FRMPD4: variants seen among roughly 807,000 people sequenced by gnomAD.
FRMPD4 encodes the protein FERM and PDZ domain-containing protein 4.
In FRMPD4, 22 loss-of-function variants were observed where a neutral mutation model predicts 94.1. The observed-to-expected ratio is 0.23, with a 90% CI of 0.17 to 0.33. The LOEUF (loss-of-function observed/expected upper bound fraction) is 0.33. Among genes scored for constraint, FRMPD4 ranks in the 10% least tolerant of loss-of-function variants. The probability of loss-of-function intolerance (pLI) is 1.00; values close to 1 mark genes in which losing one functional copy is unlikely to be tolerated. For synonymous variants in FRMPD4, 631 were observed against 548.6 expected (o/e 1.15, Z -2.10); for missense variants, 1,111 against 1,339.9 (o/e 0.83, Z 2.67).
chrX:12,036,942 T>C (rs1429700387), intron 3 of FRMPD4, among the ~76,000 whole-genome samples: 1 of 112,406 alleles, frequency 8.9e-6, no homozygotes, highest in South Asian at 3.7e-4. Context: ...TATTTCACCA[T>C]TTACTATTCC....
chrX:12,312,327 A>G (rs2055047185), intron 1 of FRMPD4, among the ~76,000 whole-genome samples: 1 of 92,452 alleles, frequency 1.1e-5, no homozygotes, highest in Admixed American at 1.3e-4. Context: ...ATTTTGGCTC[A>G]CTGCAAGCTC....
At chrX:12,523,633 C>T (rs886993561) in intron 2 of FRMPD4, among the ~76,000 whole-genome samples, 1 of 111,467 alleles carries the variant, frequency 9.0e-6, no homozygotes, top group Non-Finnish European at 1.9e-5. Flanking sequence ...TTGCTTTATT[C>T]GTCTGTAAAA....
chrX:12,578,610 AC>A (rs769036914), intron 2 of FRMPD4, among the ~76,000 whole-genome samples: 12 of 111,516 alleles, frequency 1.1e-4, no homozygotes, highest in Admixed American at 8.6e-4. Context: ...CTGTTTTCGA[AC>A]CCTTTTTTAT....
chrX:12,503,756 A>G (rs1309568863), intron 2 of FRMPD4, among the ~76,000 whole-genome samples: 1 of 112,037 alleles, frequency 8.9e-6, no homozygotes, highest in Non-Finnish European at 1.9e-5. Flanking sequence ...TGTGAGCCCC[A>G]AAGTATTTAC....
intron 1 of FRMPD4, among the ~76,000 whole-genome samples, chrX:12,474,377 A>G (rs2057563209): frequency 9.0e-6 from 1 of 111,540 alleles, no homozygotes; most frequent in African/African-American, 3.3e-5. Flanking sequence ...TAAAATCAAG[A>G]CCCTAATATC....
intron 1 of FRMPD4, among the ~76,000 whole-genome samples, chrX:12,445,215 T>C (rs1185497290): frequency 8.9e-6 from 1 of 112,083 alleles, no homozygotes; most frequent in Non-Finnish European, 1.9e-5. Context: ...ACCTGGGAAT[T>C]TGATAGAAAT....
At chrX:11,917,475 A>C (rs1024571777) in intron 3 of FRMPD4, among the ~76,000 whole-genome samples, 7 of 112,060 alleles carry the variant, frequency 6.2e-5, no homozygotes, top group African/African-American at 2.3e-4. Flanking sequence ...CAATATGAAA[A>C]TCATGGAATC....
At chrX:12,302,563 A>G (rs1317006816) in intron 1 of FRMPD4, among the ~76,000 whole-genome samples, 1 of 111,243 alleles carries the variant, frequency 9.0e-6, no homozygotes, top group Non-Finnish European at 1.9e-5. Context: ...GGATGGGGTC[A>G]TGATGAACAG....
At chrX:12,011,906 A>ATTT (rs370370680) in intron 3 of FRMPD4, among the ~76,000 whole-genome samples, 4 of 99,105 alleles carry the variant, frequency 4.0e-5, no homozygotes, top group Admixed American at 1.1e-4. Flanking sequence ...TACGATCTGA[A>ATTT]TTTTTTTTTT....
rs1601668915 is a variant in FRMPD4, at chrX:12,182,111, A to C, written c.41+43099A>C. ...CTCTACTGAAACCATAAGGACCAAGAGGTCAAGAGATGAGCAGGTAGTTCC... is the reference window on the plus strand; with the variant it reads ...CTCTACTGAAACCATAAGGACCAAGCGGTCAAGAGATGAGCAGGTAGTTCC... On this transcript the variant is annotated intron_variant, in intron 1 of 16. Transcript: ENST00000675598. 4.5e-5 allele frequency among the ~76,000 whole-genome samples: 5 copies of C among 111,730 alleles called. No individual in the cohort carries two copies. In the Admixed American group the frequency reaches 4.7e-4, roughly 11 times the overall value.
intron 3 of FRMPD4, among the ~76,000 whole-genome samples, chrX:12,058,871 C>G (rs1038628544): frequency 5.4e-5 from 6 of 110,440 alleles, no homozygotes; most frequent in Non-Finnish European, 1.1e-4. Context: ...GCCAGGGATG[C>G]TGCTAAATAT....
chrX:12,317,131 A>G (rs758897276), intron 1 of FRMPD4, among the ~76,000 whole-genome samples: 5 of 111,828 alleles, frequency 4.5e-5, no homozygotes, highest in Non-Finnish European at 7.5e-5. Context: ...TGTCAGCATT[A>G]AGAAACAGAT....
At chrX:12,680,029 A>G (rs1602312431) in intron 5 of FRMPD4, among the ~76,000 whole-genome samples, 2 of 112,142 alleles carry the variant, frequency 1.8e-5, no homozygotes, top group Admixed American at 1.9e-4. Flanking sequence ...CTGCTATATA[A>G]GTAATACTGT....
intron 1 of FRMPD4, among the ~76,000 whole-genome samples, chrX:12,483,982 G>A (rs2057714987): frequency 1.8e-5 from 2 of 111,166 alleles, no homozygotes; most frequent in African/African-American, 6.5e-5. Context: ...ACGGGCTTAC[G>A]GGACTCACAA....
chrX:12,175,830 C>A (rs772345624), intron 1 of FRMPD4, among the ~76,000 whole-genome samples: 13 of 111,776 alleles, frequency 1.2e-4, no homozygotes, highest in Middle Eastern at 4.6e-3. Flanking sequence ...TGTGTTTTAA[C>A]AAGTCCTTCA....
chrX:12,687,082 G>GT (rs1266080979), intron 7 of FRMPD4, among the ~76,000 whole-genome samples: 1 of 111,510 alleles, frequency 9.0e-6, no homozygotes, highest in Admixed American at 9.5e-5. Context: ...ATTCTTGTTG[G>GT]TTTTTTTAAT....
chrX:12,446,919 T>TG (rs1462241657), intron 1 of FRMPD4, among the ~76,000 whole-genome samples: 10 of 111,022 alleles, frequency 9.0e-5, no homozygotes, highest in Non-Finnish European at 1.7e-4. Context: ...GTTTGGTGGT[T>TG]GGGGGATGGA....
chrX:11,827,009 A>G (rs190663857), intron 1 of FRMPD4, among the ~76,000 whole-genome samples: 2,256 of 103,358 alleles, frequency 0.022, 65 homozygotes, highest in African/African-American at 0.076. Context: ...TTTCTGGGGC[A>G]TGCTGAGTTT....
intron 3 of FRMPD4, among the ~76,000 whole-genome samples, chrX:11,965,269 A>G (rs2054304331): frequency 8.9e-6 from 1 of 112,185 alleles, no homozygotes; most frequent in East Asian, 2.8e-4. Flanking sequence ...ACAGGTCTAC[A>G]TGTTATTCTT....
Sources: gnomAD v4.1 joint callset for allele counts (sites outside exome capture counted in the v4.1 genomes callset) on GRCh38, gnomAD v4.1.1 for gene constraint, MANE v1.5 for transcripts, NCBI Gene and HGNC (gene_info 2026-07-23, HGNC 2026-07-21) for gene names.